The following ANXA5 variants were observed in gnomAD, a reference collection of about 807,000 sequenced individuals.
ANXA5 encodes the protein CBP-I.
A neutral mutation model predicts 48.1 loss-of-function variants in ANXA5; 40 were observed. The ratio of observed to expected loss-of-function variants is 0.83; its 90% CI spans 0.65 to 1.08. The LOEUF is 1.08. Ranked by LOEUF, ANXA5 falls within the 50% of genes least tolerant of loss-of-function variation. ANXA5 has a pLI of 0.00. For synonymous variants in ANXA5, 113 were observed against 129.1 expected (o/e 0.88, Z 0.85); for missense variants, 357 against 376.8 (o/e 0.95, Z 0.44).
intron 10 of ANXA5, among the ~76,000 whole-genome samples, chr4:121,671,074 A>C (rs767388710): frequency 1.1e-4 from 16 of 152,220 alleles, no homozygotes; most frequent in Non-Finnish European, 1.6e-4. Context: ...TAATTAAAAT[A>C]AAACTAAATT....
rs1724631101 is a variant in ANXA5 at position 121,672,575 on chromosome 4, T to TA, written c.582dup (p.Ile195TyrfsTer17). 6.2e-7 allele frequency: 1 copy of TA among 1,613,922 alleles called. No homozygotes were observed. The highest frequency in any genetic ancestry group is 8.5e-7 in the Non-Finnish European group (1 of 1,179,900). ...ACACTTCGTGTTCCAAAGATGGTGA[T>TA]AAACTTTTCTTCATCTGTCCCCCAT... On this transcript the variant is annotated frameshift_variant, in exon 9 of 13. Coordinates refer to ENST00000296511, the MANE Select transcript of ANXA5 (RefSeq NM_001154.4). LOFTEE classifies it high-confidence loss of function.
intron 9 of ANXA5, 33 bp downstream of exon 9, chr4:121,672,500 T>G: frequency 2.7e-6 from 4 of 1,500,994 alleles, no homozygotes; most frequent in Non-Finnish European, 3.7e-6. Flanking sequence ...AATTTACCAA[T>G]GTATCTGCCC....
At chr4:121,688,021 G>A (rs1196850550) in intron 2 of ANXA5, among the ~76,000 whole-genome samples, 2 of 152,166 alleles carry the variant, frequency 1.3e-5, no homozygotes, top group Non-Finnish European at 2.9e-5. Flanking sequence ...AGGAGGTAGA[G>A]CCTTTGCGAG....
intron 3 of ANXA5, among the ~76,000 whole-genome samples, chr4:121,685,951 A>G (rs538867093): frequency 6.6e-6 from 1 of 152,208 alleles, no homozygotes; most frequent in Admixed American, 6.5e-5. Flanking sequence ...CCTGCAAGCC[A>G]CATGTGGCCC....
At chr4:121,693,051 T>G (rs1174473485) in intron 2 of ANXA5, among the ~76,000 whole-genome samples, 1 of 152,114 alleles carries the variant, frequency 6.6e-6, no homozygotes, top group African/African-American at 2.4e-5. Context: ...CTGGCCAACA[T>G]GGCGAAACTC....
At chr4:121,688,621 T>C (rs1046022218) in intron 2 of ANXA5, among the ~76,000 whole-genome samples, 1 of 152,228 alleles carries the variant, frequency 6.6e-6, no homozygotes, top group African/African-American at 2.4e-5. Flanking sequence ...GAAGACACAC[T>C]GTTCTTTCCT....
At chr4:121,671,902 A>G (rs1724619680) in intron 9 of ANXA5, among the ~76,000 whole-genome samples, 1 of 152,138 alleles carries the variant, frequency 6.6e-6, no homozygotes. Context: ...ATGCTGAGAA[A>G]TCTCCTCACT....
Position 121,683,380 on chromosome 4 carries a change from A to G in ANXA5, c.287T>C (p.Leu96Pro), listed in dbSNP as rs767036753. The G allele has an allele frequency of 6.3e-6, 10 of 1,598,372 alleles. No homozygotes were observed. The highest frequency in any genetic ancestry group is 8.5e-6 in the Non-Finnish European group (10 of 1,170,554). The change falls in exon 5 of 13, where the codon CTG becomes CCG. Residue 96 changes from leucine (L) to proline (P), a missense_variant. Coordinates refer to ENST00000296511, the MANE Select transcript of ANXA5 (RefSeq NM_001154.4). ...CCTTTTTACCTTCAAGGCATGTTTC[A>G]GTTCATAAGCATCATAAAGCCGAGA... ...KPSRLYDAYE[L>P]KHALKGAGTN...
chr4:121,680,016 T>C (rs1276637328), intron 6 of ANXA5, among the ~76,000 whole-genome samples: 2 of 152,220 alleles, frequency 1.3e-5, no homozygotes, highest in African/African-American at 4.8e-5. Flanking sequence ...AAATCGTGTA[T>C]GCTTTGACCA....
chr4:121,683,715 T>C (rs6841077), intron 4 of ANXA5, among the ~76,000 whole-genome samples: 60,499 of 151,964 alleles, frequency 0.4, 14,271 homozygotes, highest in East Asian at 0.69. Context: ...AAAGATGTTT[T>C]TCTTAACTTG....
intron 6 of ANXA5, among the ~76,000 whole-genome samples, chr4:121,679,545 T>C (rs1030462867): frequency 6.6e-5 from 10 of 152,120 alleles, no homozygotes; most frequent in African/African-American, 2.2e-4. Context: ...AAACCATCTA[T>C]ATCTGAGCCT....
intron 8 of ANXA5, among the ~76,000 whole-genome samples, chr4:121,674,466 C>T (rs1724665642): frequency 6.6e-6 from 1 of 152,128 alleles, no homozygotes; most frequent in Non-Finnish European, 1.5e-5. Context: ...TACATTAACA[C>T]CTAAATGGGT....
intron 2 of ANXA5, among the ~76,000 whole-genome samples, chr4:121,691,280 T>G (rs923662243): frequency 1.3e-5 from 2 of 151,838 alleles, no homozygotes; most frequent in Non-Finnish European, 2.9e-5. Flanking sequence ...GGCTTTTTTT[T>G]TCTCTAAATG....
At position 121,687,354 on chromosome 4, in the gene ANXA5, G is replaced by T. The variant is rs562447515; in HGVS notation, c.10-982C>A. Among the ~76,000 whole-genome samples the T allele has an allele frequency of 4.0e-4, 60 of 151,818 alleles. 1 individual carries two copies. The highest frequency in any genetic ancestry group is 1.4e-3 in the African/African-American group (56 of 41,366). On this transcript the variant is annotated intron_variant, in intron 2 of 12. Coordinates refer to ENST00000296511, the MANE Select transcript of ANXA5 (RefSeq NM_001154.4). The stretch of plus-strand genomic sequence containing the variant: ...ATCATTAGATCCTGAGAGTCATAAG[G>T]CTTTATTAATACTGAGCCATAAATG...
At chr4:121,696,741 G>T in intron 1 of ANXA5, 117 bp from the exon 2 acceptor site, 1 of 548,162 alleles carries the variant, frequency 1.8e-6, no homozygotes, top group Non-Finnish European at 2.8e-6. Context: ...CCGCCACGGG[G>T]CCGACCCGCC....
intron 2 of ANXA5, among the ~76,000 whole-genome samples, chr4:121,689,658 G>C (rs918291015): frequency 1.3e-5 from 2 of 152,168 alleles, no homozygotes; most frequent in Admixed American, 1.3e-4. Context: ...AAAGGTCACA[G>C]TGAAGGGAGG....
At position 121,676,237 on chromosome 4, in the gene ANXA5, T is replaced by C. The variant is rs1475919665; in HGVS notation, c.531+1657A>G. On this transcript the variant is annotated intron_variant, in intron 8 of 12. Transcript: ENST00000296511. The stretch of plus-strand genomic sequence containing the variant: ...CTCTAGCCCTCTTCCCGAAAGAAGG[T>C]GGAATTAAGCTAGATCTATGCTTGA... 5.9e-5 allele frequency among the ~76,000 whole-genome samples: 9 copies of C among 152,214 alleles called. No individual in the cohort carries two copies. In the East Asian group the frequency reaches 1.7e-3, roughly 29 times the overall value.
At chr4:121,689,123 T>C (rs1229265981) in intron 2 of ANXA5, among the ~76,000 whole-genome samples, 1 of 152,238 alleles carries the variant, frequency 6.6e-6, no homozygotes, top group East Asian at 1.9e-4. Context: ...ATTGATAAGA[T>C]TTGAGAAGAT....
At chr4:121,682,015 G>A (rs781269372) in intron 5 of ANXA5, among the ~76,000 whole-genome samples, 4 of 152,032 alleles carry the variant, frequency 2.6e-5, no homozygotes, top group Non-Finnish European at 4.4e-5. Context: ...ATATGTGTAC[G>A]TATACATAAC....
Sources: allele counts gnomAD v4.1 joint callset (sites outside exome capture counted in the v4.1 genomes callset), GRCh38; gene constraint gnomAD v4.1.1; transcripts MANE v1.5; gene names NCBI Gene and HGNC (gene_info 2026-07-23, HGNC 2026-07-21).